Variants in MTMR7 observed in about 807,000 individuals in gnomAD.
MTMR7 encodes phosphatidylinositol-3-phosphate phosphatase MTMR7.
MTMR7 carries 76 observed loss-of-function variants against 81.2 expected under a neutral mutation model. That is an observed-to-expected ratio of 0.94 (90% CI 0.78 to 1.13). MTMR7 has a LOEUF of 1.13. Among genes scored for constraint, MTMR7 ranks in the 50% most tolerant of loss-of-function variants. The probability of loss-of-function intolerance (pLI) is 0.00; values close to 1 mark genes in which losing one functional copy is unlikely to be tolerated. For synonymous variants in MTMR7, 372 were observed against 289.8 expected (o/e 1.28, Z -2.88); for missense variants, 1,044 against 820.0 (o/e 1.27, Z -3.34).
chr8:17,357,166 C>A (rs1050442809), intron 4 of MTMR7, among the ~76,000 whole-genome samples: 1 of 152,282 alleles, frequency 6.6e-6, no homozygotes, highest in South Asian at 2.1e-4. Context: ...GGAATCAGAG[C>A]TATCAGTATC....
chr8:17,337,138 G>T (rs536563584), intron 6 of MTMR7, among the ~76,000 whole-genome samples: 5 of 152,042 alleles, frequency 3.3e-5, no homozygotes, highest in Non-Finnish European at 7.4e-5. Flanking sequence ...TTGGGAGGCC[G>T]AGAAGGGCGG....
At chr8:17,308,764 G>A (rs1027074170) in intron 10 of MTMR7, among the ~76,000 whole-genome samples, 2 of 152,122 alleles carry the variant, frequency 1.3e-5, no homozygotes, top group African/African-American at 2.4e-5. Flanking sequence ...CAGCCCAGAC[G>A]TCCAAGGCCA....
intron 5 of MTMR7, among the ~76,000 whole-genome samples, chr8:17,344,738 T>C (rs1819502306): frequency 6.6e-6 from 1 of 152,138 alleles, no homozygotes; most frequent in African/African-American, 2.4e-5. Context: ...ATGGGTAAAA[T>C]ATTAAAACTA....
chr8:17,302,284 G>GA lies in MTMR7; in HGVS notation c.1494-5dup, dbSNP rs1476608232. On this transcript the variant is annotated splice_polypyrimidine_tract_variant and splice_region_variant and intron_variant, in intron 12 of 13. Coordinates refer to ENST00000180173, the MANE Select transcript of MTMR7 (RefSeq NM_004686.5). ...GTTATACATTCCACTCCAAAACCTG[G>GA]AAAGGATGGCAAAGCGTCGTGATAC... is the stretch of plus-strand genomic sequence containing the variant. The GA allele has an allele frequency of 1.2e-6, 2 of 1,612,300 alleles. No homozygotes were observed. Among genetic ancestry groups the GA allele is most frequent in the African/African-American group, 2.7e-5 (2 of 74,890 alleles).
intron 7 of MTMR7, among the ~76,000 whole-genome samples, chr8:17,325,564 G>A (rs764012013): frequency 7.9e-5 from 12 of 152,138 alleles, no homozygotes; most frequent in African/African-American, 1.2e-4. Flanking sequence ...CTGACCGTAC[G>A]ATCGCCCACA....
chr8:17,354,264 A>C (rs1819820510), intron 4 of MTMR7, among the ~76,000 whole-genome samples: 1 of 152,248 alleles, frequency 6.6e-6, no homozygotes, highest in Non-Finnish European at 1.5e-5. Context: ...ATATGTGAAT[A>C]AAACAAAATA....
chr8:17,372,023 C>T (rs1183542617), intron 2 of MTMR7, among the ~76,000 whole-genome samples: 1 of 151,946 alleles, frequency 6.6e-6, no homozygotes, highest in Non-Finnish European at 1.5e-5. Flanking sequence ...CTCCTCATTC[C>T]CTCCCCCTCC....
rs1586117442 is a variant in MTMR7, at chr8:17,298,700, A to G, written c.*1162T>C. 6.6e-6 allele frequency: 1 copy of G among 152,586 alleles called. No individual in the cohort carries two copies. Among genetic ancestry groups the G allele is most frequent in the South Asian group, 2.1e-4 (1 of 4,834 alleles). The allele number at this position is 152,586 out of a possible 1,614,324, so 9.5% of individuals were successfully genotyped here. ...AAACCATACAGTGTGAATACCATTT[A>G]TTTATGTCCAAACATGGCCACTTTT... On this transcript the variant is annotated 3_prime_UTR_variant, in exon 14 of 14. Transcript: ENST00000180173.
Position 17,299,749 on chromosome 8 carries a change from A to G in MTMR7, c.*113T>C. The stretch of plus-strand genomic sequence containing the variant: ...TTTTCCCTTTTCATAGCTGCATTAA[A>G]GTAGTTCTCAATGACATGCACCATT... On this transcript the variant is annotated 3_prime_UTR_variant, in exon 14 of 14. Coordinates refer to ENST00000180173, the MANE Select transcript of MTMR7 (RefSeq NM_004686.5). 1 of 1,447,512 alleles carries G rather than the reference A, an allele frequency of 6.9e-7. No homozygotes were observed. The highest frequency in any genetic ancestry group is 9.4e-7 in the Non-Finnish European group (1 of 1,069,126). The allele number at this position is 1,447,512 out of a possible 1,614,324, so 89.7% of individuals were successfully genotyped here.
intron 1 of MTMR7, among the ~76,000 whole-genome samples, chr8:17,384,744 C>T (rs6587040): frequency 0.94 from 142,435 of 152,306 alleles, 66,810 homozygotes; most frequent in Middle Eastern, 0.96. Flanking sequence ...CAAAAGGTGG[C>T]AACCATGAAG....
intron 1 of MTMR7, among the ~76,000 whole-genome samples, chr8:17,382,278 G>A (rs191993454): frequency 1.2e-4 from 18 of 152,284 alleles, no homozygotes; most frequent in African/African-American, 4.3e-4. Context: ...AAGGCCGAGG[G>A]CACCAAGCCC....
intron 7 of MTMR7, among the ~76,000 whole-genome samples, chr8:17,322,950 C>T (rs1226887495): frequency 1.4e-4 from 18 of 125,756 alleles, no homozygotes; most frequent in East Asian, 5.0e-4. Context: ...ATTGAATTAT[C>T]TTTTTTTTTT....
At chr8:17,350,717 T>C (rs114642451) in intron 4 of MTMR7, among the ~76,000 whole-genome samples, 2 of 152,290 alleles carry the variant, frequency 1.3e-5, no homozygotes, top group African/African-American at 2.4e-5. Context: ...CCAAGCCTCT[T>C]ATAAAGTCTT....
intron 4 of MTMR7, among the ~76,000 whole-genome samples, chr8:17,355,941 T>G (rs1470753252): frequency 1.3e-5 from 2 of 152,114 alleles, no homozygotes; most frequent in Non-Finnish European, 2.9e-5. Flanking sequence ...CATGGTTATA[T>G]AAATGAAACA....
intron 3 of MTMR7, among the ~76,000 whole-genome samples, chr8:17,370,657 G>C (rs1440987272): frequency 6.6e-6 from 1 of 150,436 alleles, no homozygotes; most frequent in African/African-American, 2.5e-5. Flanking sequence ...CGCTAGAACT[G>C]TCTGATAACA....
chr8:17,346,884 TAAAAAAAA>T (rs55910829), intron 5 of MTMR7, among the ~76,000 whole-genome samples: 4 of 65,046 alleles, frequency 6.1e-5, no homozygotes, highest in African/African-American at 1.1e-4. Context: ...CCTATCTTAA[TAAAAAAAA>T]AAAAAAAAAA....
At chr8:17,374,658 T>C (rs771494239) in intron 1 of MTMR7, among the ~76,000 whole-genome samples, 4 of 150,494 alleles carry the variant, frequency 2.7e-5, no homozygotes, top group Non-Finnish European at 4.4e-5. Context: ...AATAAAAGCA[T>C]AAAAACTAGC....
intron 6 of MTMR7, 77 bp downstream of exon 6, chr8:17,341,285 TG>T: frequency 6.4e-7 from 1 of 1,569,976 alleles, no homozygotes. Context: ...GCACAAGAGA[TG>T]GCAGTCGGCT....
chr8:17,351,714 G>C (rs188222675), intron 4 of MTMR7, among the ~76,000 whole-genome samples: 23 of 152,314 alleles, frequency 1.5e-4, no homozygotes, highest in Admixed American at 3.9e-4. Flanking sequence ...AGCTCCATGG[G>C]TCACAGCTTA....
Sources: gnomAD v4.1 joint callset for allele counts (sites outside exome capture counted in the v4.1 genomes callset) on GRCh38, gnomAD v4.1.1 for gene constraint, MANE v1.5 for transcripts, NCBI Gene and HGNC (gene_info 2026-07-23, HGNC 2026-07-21) for gene names.